Variants in TTC34 observed in about 807,000 individuals in gnomAD.
TTC34 encodes tetratricopeptide repeat protein 34.
In TTC34, 44 loss-of-function variants were observed where a neutral mutation model predicts 40.7. The ratio of observed to expected loss-of-function variants is 1.08; its 90% CI spans 0.85 to 1.39. The LOEUF (loss-of-function observed/expected upper bound fraction) is 1.39, where lower values mean the gene tolerates loss of function less well. Ranked by LOEUF, TTC34 falls within the 40% of genes most tolerant of loss-of-function variation. The probability of loss-of-function intolerance (pLI) is 0.00; values close to 1 mark genes in which losing one functional copy is unlikely to be tolerated. For missense variants in TTC34, 884 were observed against 838.0 expected, an observed-to-expected ratio of 1.05 and a Z score of -0.68; for synonymous variants, 422 against 398.6, an observed-to-expected ratio of 1.06 and a Z score of -0.70.
chr1:2,773,013 C>T (rs372040231), intron 6 of TTC34, among the ~76,000 whole-genome samples: 3 of 151,500 alleles, frequency 2.0e-5, no homozygotes, highest in Admixed American at 6.6e-5. Context: ...GAGCAGCACC[C>T]ACACCCCCAG....
chr1:2,673,279 C>G (rs1639766467), intron 6 of TTC34, among the ~76,000 whole-genome samples: 1 of 83,898 alleles, frequency 1.2e-5, no homozygotes, highest in Non-Finnish European at 3.0e-5. Flanking sequence ...TCCACACCCC[C>G]AGGTGAGCAT....
chr1:2,749,757 T>G (rs1164530581), intron 6 of TTC34, among the ~76,000 whole-genome samples: 1 of 7,818 alleles, frequency 1.3e-4, no homozygotes. Context: ...CTGGAACAGC[T>G]CCCACACCCC....
intron 6 of TTC34, among the ~76,000 whole-genome samples, chr1:2,750,163 C>T (rs1372529169): frequency 7.6e-4 from 84 of 109,998 alleles, no homozygotes; most frequent in Middle Eastern, 6.0e-3. Context: ...AGAACAAACA[C>T]CCCCAGGCGA....
intron 6 of TTC34, chr1:2,775,648 A>C (rs1046715108): frequency 6.7e-6 from 1 of 148,824 alleles, no homozygotes; most frequent in East Asian, 1.9e-4. Context: ...AGCATCTGAC[A>C]GGATAAAACA....
In TTC34 at chr1:2,783,781, GGAA is replaced by G; in HGVS notation, c.2060-9_2060-7del. 1 of 1,491,220 alleles carries G rather than the reference GGAA, an allele frequency of 6.7e-7. No homozygotes were observed. The highest frequency in any genetic ancestry group is 1.3e-5 in the South Asian group (1 of 74,102). 92.4% of individuals were successfully genotyped at this position (1,491,220 alleles called of 1,614,324 possible). On this transcript the variant is annotated splice_polypyrimidine_tract_variant and splice_region_variant and intron_variant, in intron 5 of 8. Transcript: ENST00000401095. ...GGACTCACTTGCCTGGCTTCCTGCA[GGAA>G]GACGGCATGGGGTCAGGATGAGCCT... is the stretch of plus-strand genomic sequence containing the variant.
chr1:2,787,664 C>T (rs924121111), exon 4 of TTC34: 3 of 1,549,254 alleles, frequency 1.9e-6, no homozygotes, highest in African/African-American at 2.7e-5. Flanking sequence ...CTGAATCCAG[C>T]TCCATCAGCA....
chr1:2,686,877 C>G (rs1640383266), intron 6 of TTC34, among the ~76,000 whole-genome samples: 2 of 145,296 alleles, frequency 1.4e-5, no homozygotes, highest in East Asian at 2.0e-4. Context: ...TGGAGCAGCA[C>G]CCACACCCCC....
chr1:2,789,787 G>T, exon 3 of TTC34: 1 of 519,508 alleles, frequency 1.9e-6, no homozygotes, highest in South Asian at 3.7e-5. Flanking sequence ...AGCCCCCCGG[G>T]TGCGGCGCCC....
intron 6 of TTC34, among the ~76,000 whole-genome samples, chr1:2,754,839 G>GCCTGGAACAGCTCTCACAACCCC (rs1641452089): frequency 6.9e-6 from 1 of 145,354 alleles, no homozygotes; most frequent in African/African-American, 2.7e-5. Context: ...GCATCTGACA[G>GCCTGGAACAGCTCTCACAACCCC]ACTGGAACAG....
At chr1:2,691,689 C>G (rs28729890) in intron 6 of TTC34, among the ~76,000 whole-genome samples, 6,007 of 53,306 alleles carry the variant, frequency 0.11, 851 homozygotes, top group Non-Finnish European at 0.14. Context: ...TGACGGCCTG[C>G]AACAGCACCC....
At chr1:2,748,109 A>G (rs1641209595) in intron 6 of TTC34, among the ~76,000 whole-genome samples, 1 of 65,754 alleles carries the variant, frequency 1.5e-5, no homozygotes, top group Non-Finnish European at 2.6e-5. Flanking sequence ...CTCCCAGAGC[A>G]GCACCCATAC....
intron 5 of TTC34, 26 bp downstream of exon 5, chr1:2,785,793 C>A (rs1320603354): frequency 1.3e-6 from 2 of 1,538,744 alleles, no homozygotes; most frequent in East Asian, 5.0e-5. Context: ...AAGACTGGGC[C>A]CTGGGGGCAG....
At chr1:2,682,808 CA>C (rs1640137285) in intron 6 of TTC34, among the ~76,000 whole-genome samples, 37 of 145,608 alleles carry the variant, frequency 2.5e-4, no homozygotes, top group Non-Finnish European at 4.3e-4. Flanking sequence ...GAGCATCTGA[CA>C]GCCTGGAACA....
intron 6 of TTC34, among the ~76,000 whole-genome samples, chr1:2,651,676 C>A (rs1029046383): frequency 3.3e-5 from 5 of 152,018 alleles, no homozygotes; most frequent in Non-Finnish European, 7.4e-5. Flanking sequence ...AAGTCACCCC[C>A]ACACCCAGGT....
chr1:2,685,908 C>T (rs1303353915), intron 6 of TTC34, among the ~76,000 whole-genome samples: 2 of 148,210 alleles, frequency 1.3e-5, no homozygotes, highest in Non-Finnish European at 3.0e-5. Context: ...CAGCCTGGAA[C>T]AGCACGCACA....
intron 6 of TTC34, among the ~76,000 whole-genome samples, chr1:2,682,095 C>T (rs1308753119): frequency 3.0e-5 from 4 of 134,968 alleles, no homozygotes; most frequent in Non-Finnish European, 4.9e-5. Context: ...CAGCCTGGAG[C>T]AGCACCCACA....
intron 6 of TTC34, among the ~76,000 whole-genome samples, chr1:2,748,802 C>G (rs1390690938): frequency 5.7e-5 from 7 of 122,266 alleles, no homozygotes; most frequent in East Asian, 3.0e-4. Flanking sequence ...AACCCACACC[C>G]ACAGGCGAGC....
At chr1:2,750,411 G>A (rs1641277632) in intron 6 of TTC34, among the ~76,000 whole-genome samples, 1 of 115,558 alleles carries the variant, frequency 8.7e-6, no homozygotes, top group Non-Finnish European at 1.7e-5. Context: ...ACACCCCCAG[G>A]TGCGCACGTG....
chr1:2,800,605 T>C (rs946860808), exon 2 of TTC34: 1 of 398,338 alleles, frequency 2.5e-6, no homozygotes, highest in African/African-American at 2.1e-5. Context: ...TCCCAGTGGA[T>C]GGCGGGGATC....
Sources: allele counts gnomAD v4.1 joint callset (sites outside exome capture counted in the v4.1 genomes callset), GRCh38; gene constraint gnomAD v4.1.1; transcripts MANE v1.5; gene names NCBI Gene and HGNC (gene_info 2026-07-23, HGNC 2026-07-21).